TNRC6C: variants seen among roughly 807,000 people sequenced by gnomAD.
TNRC6C encodes trinucleotide repeat containing adaptor 6C.
A neutral mutation model predicts 153.7 loss-of-function variants in TNRC6C; 20 were observed. That is an observed-to-expected ratio of 0.13 (90% CI 0.09 to 0.19). TNRC6C has a LOEUF of 0.19. TNRC6C is among the 10% of genes least tolerant of loss of function. TNRC6C has a pLI of 1.00. For synonymous variants in TNRC6C, 811 were observed against 841.4 expected (o/e 0.96, Z 0.63); for missense variants, 1,987 against 2,172.0 (o/e 0.91, Z 1.69).
intron 1 of TNRC6C, among the ~76,000 whole-genome samples, chr17:77,994,594 C>T (rs561800620): frequency 2.0e-5 from 3 of 152,168 alleles, no homozygotes; most frequent in Admixed American, 2.0e-4. Flanking sequence ...GATAACTGCC[C>T]CAGGCTCCGT....
At chr17:78,006,830 T>A (rs1035718929) in intron 1 of TNRC6C, among the ~76,000 whole-genome samples, 26 of 136,404 alleles carry the variant, frequency 1.9e-4, no homozygotes, top group South Asian at 1.5e-3. Flanking sequence ...ATTTATTTAT[T>A]TTTTTTTTTT....
intron 1 of TNRC6C, among the ~76,000 whole-genome samples, chr17:77,985,377 G>C (rs534473963): frequency 6.6e-6 from 1 of 151,766 alleles, no homozygotes; most frequent in South Asian, 2.1e-4. Context: ...GGCGGATCAT[G>C]AGGTCAGGAG....
Position 78,104,902 on chromosome 17 carries a change from G to A in TNRC6C, c.*57G>A, listed in dbSNP as rs1015497325. The A allele has an allele frequency of 7.3e-7, 1 of 1,374,054 alleles. No homozygotes were observed. Among genetic ancestry groups the A allele is most frequent in the Non-Finnish European group, 9.4e-7 (1 of 1,068,808 alleles). The allele number at this position is 1,374,054 out of a possible 1,614,324, so 85.1% of individuals were successfully genotyped here. A position where few individuals can be genotyped will look rare whatever the true frequency, so the allele number is the denominator to read the frequency against. On this transcript the variant is annotated 3_prime_UTR_variant, in exon 20 of 20. Coordinates refer to ENST00000301624, the Ensembl canonical transcript of TNRC6C. The surrounding 1 kb of genome is among the most constrained non-coding windows in gnomAD (Gnocchi z 6.2). ...CCCCTCCCGGGACCCCTCCCGGCTG[G>A]GCGGCCCCACAGACCCGCTGGAACC...
chr17:77,973,840 C>T (rs2070961913), intron 1 of TNRC6C, among the ~76,000 whole-genome samples: 1 of 152,086 alleles, frequency 6.6e-6, no homozygotes, highest in Non-Finnish European at 1.5e-5. Context: ...TAAAGAGGAT[C>T]CAAATAATTG....
chr17:77,969,560 T>C (rs762166458), intron 1 of TNRC6C, among the ~76,000 whole-genome samples: 4 of 152,184 alleles, frequency 2.6e-5, no homozygotes, highest in Non-Finnish European at 4.4e-5. Context: ...ATTTCCATTA[T>C]CTTTAAAAAT....
At chr17:78,089,247 C>T (rs1003110980) in intron 13 of TNRC6C, among the ~76,000 whole-genome samples, 3 of 152,202 alleles carry the variant, frequency 2.0e-5, no homozygotes, top group East Asian at 1.9e-4. Context: ...GGATTACAGG[C>T]GTGAGCCACC....
chr17:78,049,674 A>T lies in TNRC6C; in HGVS notation c.612A>T (p.Gly204=). Residue 204 remains glycine, a synonymous_variant, in exon 3 of 20, where the codon GGA becomes GGT. Transcript: ENST00000301624. This position sits in a 1 kb window ranked among gnomAD's most constrained non-coding sequence, Gnocchi z 4.1. ...CTATCAATGCAATGCAGACAAATGG[A>T]CTGCCAAACTGGGGCATGGCTGTTG... is the stretch of plus-strand genomic sequence containing the variant. 6.2e-7 allele frequency: 1 copy of T among 1,611,282 alleles called. No individual in the cohort carries two copies. The highest frequency in any genetic ancestry group is 8.5e-7 in the Non-Finnish European group (1 of 1,177,710).
At chr17:78,057,497 G>A (rs1288520604) in intron 3 of TNRC6C, among the ~76,000 whole-genome samples, 2 of 152,190 alleles carry the variant, frequency 1.3e-5, no homozygotes, top group African/African-American at 4.8e-5. Flanking sequence ...TCCTCTCTGG[G>A]GACTGTGCCA....
intron 4 of TNRC6C, 99 bp from the exon 7 acceptor site, chr17:78,067,658 C>T (rs1372975954): frequency 2.3e-6 from 3 of 1,294,662 alleles, no homozygotes; most frequent in South Asian, 1.7e-5. Flanking sequence ...GATTACAATG[C>T]ATCATTTGTC....
chr17:78,103,632 G>C (rs949511126), intron 19 of TNRC6C, 79 bp downstream of exon 22: 51 of 1,574,354 alleles, frequency 3.2e-5, no homozygotes, highest in Non-Finnish European at 4.3e-5. Context: ...TGTTGCAGGG[G>C]TGTCCTGAGC....
intron 1 of TNRC6C, among the ~76,000 whole-genome samples, chr17:77,989,669 C>T (rs2071221292): frequency 1.3e-5 from 2 of 152,190 alleles, no homozygotes; most frequent in South Asian, 4.1e-4. Flanking sequence ...TAATAGGGAT[C>T]TTACGTATCT....
At chr17:77,971,138 G>A (rs190297215) in intron 1 of TNRC6C, among the ~76,000 whole-genome samples, 2 of 152,300 alleles carry the variant, frequency 1.3e-5, no homozygotes, top group East Asian at 3.9e-4. Context: ...ATTGTAAAAT[G>A]TCTATCTGAG....
At position 78,079,553 on chromosome 17, in the gene TNRC6C, A is replaced by G. The variant is rs1237100322; in HGVS notation, c.3357+12A>G. ...TTCTATCCCCTCAGGTCAGACCCACATCCAAGCAGGACTGAGCAACAGGAT... is the reference window on the plus strand; with the variant it reads ...TTCTATCCCCTCAGGTCAGACCCACGTCCAAGCAGGACTGAGCAACAGGAT... On this transcript the variant is annotated intron_variant, in intron 10 of 19. Coordinates refer to ENST00000301624, the Ensembl canonical transcript of TNRC6C. The surrounding 1 kb of genome is among the most constrained non-coding windows in gnomAD (Gnocchi z 4.3). The G allele has an allele frequency of 3.1e-6, 5 of 1,613,626 alleles. No individual in the cohort carries two copies. The African/African-American group carries it at 5.3e-5, about 17-fold the overall frequency.
At chr17:78,059,846 C>CA (rs762507955) in intron 3 of TNRC6C, among the ~76,000 whole-genome samples, 5,358 of 77,494 alleles carry the variant, frequency 0.069, 243 homozygotes, top group African/African-American at 0.17. Flanking sequence ...GACCCTGTCT[C>CA]AAAAAAAAAA....
In TNRC6C at chr17:77,971,066, C is replaced by T. The variant is rs1022505020; in HGVS notation, c.-38+11798C>T. 3.9e-5 allele frequency among the ~76,000 whole-genome samples: 6 copies of T among 152,020 alleles called. No individual in the cohort carries two copies. In the East Asian group the frequency reaches 5.8e-4, roughly 15 times the overall value. On this transcript the variant is annotated intron_variant, in intron 1 of 22. Coordinates refer to the TNRC6C transcript ENST00000636222. ...GTATAAAATTCTTGTTTTAGTAACACGGGCAATGTAAAGATGTTATAATTT... is the reference window on the plus strand; with the variant it reads ...GTATAAAATTCTTGTTTTAGTAACATGGGCAATGTAAAGATGTTATAATTT...
chr17:78,019,044 A>T (rs1464350797), intron 1 of TNRC6C, among the ~76,000 whole-genome samples: 3 of 152,180 alleles, frequency 2.0e-5, no homozygotes. Flanking sequence ...AAATGACTGA[A>T]GGTTGGGATG....
At chr17:78,036,797 G>A (rs139533145) in intron 2 of TNRC6C, among the ~76,000 whole-genome samples, 1,811 of 151,734 alleles carry the variant, frequency 0.012, 32 homozygotes, top group African/African-American at 0.041. Flanking sequence ...GATGGTAGGC[G>A]CCTGTAACCC....
Position 78,079,544 on chromosome 17 carries a change from C to G in TNRC6C, c.3357+3C>G. 1 of 1,613,864 alleles carries G rather than the reference C, an allele frequency of 6.2e-7. No individual in the cohort carries two copies. The highest frequency in any genetic ancestry group is 1.6e-4 in the Middle Eastern group (1 of 6,062). On this transcript the variant is annotated splice_donor_region_variant and intron_variant, in intron 10 of 19. Coordinates refer to ENST00000301624, the Ensembl canonical transcript of TNRC6C. This position sits in a 1 kb window ranked among gnomAD's most constrained non-coding sequence, Gnocchi z 4.3. ...TGCCTCAGTTTCTATCCCCTCAGGT[C>G]AGACCCACATCCAAGCAGGACTGAG...
upstream of TNRC6C, among the ~76,000 whole-genome samples, chr17:77,958,482 A>G (rs991332909): frequency 1.3e-5 from 2 of 151,566 alleles, no homozygotes; most frequent in East Asian, 2.0e-4. Context: ...AGGGGAAAGG[A>G]GGAGGCGTGG....
Sources: gnomAD v4.1 joint callset for allele counts (sites outside exome capture counted in the v4.1 genomes callset) on GRCh38, gnomAD v4.1.1 for gene constraint, Gnocchi (gnomAD v3.1) non-coding constraint, MANE v1.5 for transcripts, NCBI Gene and HGNC (gene_info 2026-07-23, HGNC 2026-07-21) for gene names.